Variants in HDAC2 observed in about 807,000 individuals in gnomAD.
HDAC2 encodes the protein YY1-associated factor 1.
A neutral mutation model predicts 68.5 loss-of-function variants in HDAC2; 5 were observed. The ratio of observed to expected loss-of-function variants is 0.07; its 90% CI spans 0.04 to 0.15. HDAC2 has a LOEUF of 0.15. Among genes scored for constraint, HDAC2 ranks in the 10% least tolerant of loss-of-function variants. The pLI is 1.00. For missense variants in HDAC2, 291 were observed against 600.8 expected (o/e 0.48, Z 5.39); for synonymous variants, 182 against 191.3 (o/e 0.95, Z 0.40).
At position 113,956,066 on chromosome 6, in the gene HDAC2, T is replaced by C. The variant is rs377639461; in HGVS notation, c.444A>G (p.Ala148=). ...TATCATTAACGTAACAGAATCCTGA[T>C]GCTTCTGATTTCTTAGCATGATGTA... ...GGLHHAKKSE[A]SGFCYVNDIV... The change falls in exon 5 of 14, where the codon GCA becomes GCG. Residue 148 remains alanine, a synonymous_variant. Coordinates refer to ENST00000519065, the MANE Select transcript of HDAC2 (RefSeq NM_001527.4). 21 of 1,612,400 alleles carry C rather than the reference T, an allele frequency of 1.3e-5. No homozygotes were observed. In the East Asian group the frequency reaches 2.2e-4, roughly 17 times the overall value.
intron 1 of HDAC2, among the ~76,000 whole-genome samples, chr6:113,963,734 C>A (rs1263421404): frequency 1.3e-5 from 2 of 152,180 alleles, no homozygotes; most frequent in Non-Finnish European, 2.9e-5. Context: ...TCAACCTGTA[C>A]ATAAAAATAC....
At chr6:113,967,374 C>T (rs556170721) in intron 1 of HDAC2, among the ~76,000 whole-genome samples, 1 of 152,320 alleles carries the variant, frequency 6.6e-6, no homozygotes, top group East Asian at 1.9e-4. Flanking sequence ...GGTGATTTGC[C>T]TGCCTCAGTC....
Position 113,943,379 on chromosome 6 carries a change from A to C in HDAC2, c.1350T>G (p.Asp450Glu), listed in dbSNP as rs769362495. ...TTTTTTTGTCCTCTGTTTCTTTCTT[A>C]TCTTCTTCAATTCTAGCTTTCTTTG... Reference protein sequence around the residue: ...KGAKKARIEEDKKETEDKKTD... With the variant: ...KGAKKARIEEEKKETEDKKTD... Residue 450 changes from aspartate (D) to glutamate (E), a missense_variant, in exon 12 of 14, where the codon GAT (aspartate) becomes GAG (glutamate). Transcript: ENST00000519065. 4.4e-6 allele frequency: 7 copies of C among 1,608,944 alleles called. No homozygotes were observed. The highest frequency in any genetic ancestry group is 5.1e-6 in the Non-Finnish European group (6 of 1,178,594).
intron 6 of HDAC2, 70 bp from the exon 7 acceptor site, chr6:113,949,330 T>G: frequency 1.1e-6 from 1 of 941,230 alleles, no homozygotes; most frequent in Non-Finnish European, 1.7e-6. Context: ...GTTTACTACA[T>G]TTTGAAAAGA....
rs1220225862 is a variant in HDAC2, at chr6:113,934,347, T to C, written c.*6711A>G. On this transcript the variant is annotated 3_prime_UTR_variant, in exon 14 of 14. Transcript: ENST00000519065. ...GCATGTCAGCTGTTACCTAGTCAGT[T>C]TCATAGATTTAGTAAACTGAAGCAC... is the stretch of plus-strand genomic sequence containing the variant. 6.6e-6 allele frequency: 1 copy of C among 152,162 alleles called. No individual in the cohort carries two copies. The highest frequency in any genetic ancestry group is 2.4e-5 in the African/African-American group (1 of 41,434). 9.4% of individuals were successfully genotyped at this position (152,162 alleles called of 1,614,324 possible). A position where few individuals can be genotyped will look rare whatever the true frequency, so the allele number is the denominator to read the frequency against.
chr6:113,949,116 C>T, intron 7 of HDAC2, 29 bp from the exon 8 acceptor site: 1 of 1,603,246 alleles, frequency 6.2e-7, no homozygotes, highest in Non-Finnish European at 8.5e-7. Flanking sequence ...ATGTTAGCAT[C>T]TCCAATAACA....
intron 6 of HDAC2, 65 bp from the exon 7 acceptor site, chr6:113,949,325 C>A (rs1776343758): frequency 9.8e-7 from 1 of 1,017,848 alleles, no homozygotes; most frequent in Non-Finnish European, 1.5e-6. Context: ...CATTTGTTTA[C>A]TACATTTTGA....
chr6:113,971,063 G>A lies in HDAC2; in HGVS notation c.-155C>T, dbSNP rs766938760. ...GCAGGCCGGTGGGAGGAGAGGAGGG[G>A]GCGCCGGGAAGGCTCGGTACCACCC... On this transcript the variant is annotated 5_prime_UTR_variant, in exon 1 of 14. Coordinates refer to ENST00000519065, the MANE Select transcript of HDAC2 (RefSeq NM_001527.4). 1.2e-5 allele frequency: 18 copies of A among 1,558,864 alleles called. No individual in the cohort carries two copies. Among genetic ancestry groups the A allele is most frequent in the Non-Finnish European group, 1.6e-5 (18 of 1,150,584 alleles).
intron 13 of HDAC2, 84 bp from the exon 14 acceptor site, chr6:113,941,172 T>C: frequency 2.1e-6 from 2 of 959,904 alleles, no homozygotes; most frequent in South Asian, 1.5e-5. Context: ...TCAGGTCCTG[T>C]AGGCTCATGC....
In HDAC2 at chr6:113,940,999, C is replaced by A; in HGVS notation, c.*59G>T. The A allele has an allele frequency of 7.4e-7, 1 of 1,351,254 alleles. No homozygotes were observed. The highest frequency in any genetic ancestry group is 1.2e-5 in the South Asian group (1 of 82,060). The allele number at this position is 1,351,254 out of a possible 1,614,324, so 83.7% of individuals were successfully genotyped here. ...AAGCCAGAAGTCTTCAAAAAGAAAA[C>A]ATTTTCCTTTCAATATTTTCTTTTT... On this transcript the variant is annotated 3_prime_UTR_variant, in exon 14 of 14. Coordinates refer to ENST00000519065, the MANE Select transcript of HDAC2 (RefSeq NM_001527.4).
chr6:113,945,553 T>C, intron 9 of HDAC2, 83 bp from the exon 10 acceptor site: 1 of 750,630 alleles, frequency 1.3e-6, no homozygotes, highest in Non-Finnish European at 2.4e-6. Context: ...ATTTAGGTGG[T>C]GAAATATTTC....
chr6:113,962,075 C>T (rs1776695765), intron 1 of HDAC2, among the ~76,000 whole-genome samples: 1 of 149,092 alleles, frequency 6.7e-6, no homozygotes, highest in Non-Finnish European at 1.5e-5. Context: ...AATTTCTGAG[C>T]AAGTGTGTTT....
At position 113,949,215 on chromosome 6, in the gene HDAC2, T is replaced by C. The variant is rs1198502068; in HGVS notation, c.685A>G (p.Met229Val). ...GACTCATCATCTATACCATCTCTCATTGGAAAATTGACAGCATAGTATTTG... is the reference window on the plus strand; with the variant it reads ...GACTCATCATCTATACCATCTCTCACTGGAAAATTGACAGCATAGTATTTG... ...KGKYYAVNFP[M>V]RDGIDDESYG... is the part of the protein sequence containing the mutation. Residue 229 changes from methionine to valine, a missense_variant, in exon 7 of 14, where the codon ATG becomes GTG. Met to Val is a conservative substitution (Grantham distance 21, BLOSUM62 1). Transcript: ENST00000519065. 1 of 1,608,638 alleles carries C rather than the reference T, an allele frequency of 6.2e-7. No individual in the cohort carries two copies. The highest frequency in any genetic ancestry group is 1.3e-5 in the African/African-American group (1 of 74,810).
In HDAC2 at chr6:113,934,949, C is replaced by G. The variant is rs1775970380; in HGVS notation, c.*6109G>C. On this transcript the variant is annotated 3_prime_UTR_variant, in exon 14 of 14. Coordinates refer to ENST00000519065, the MANE Select transcript of HDAC2 (RefSeq NM_001527.4). ...GGTATCTAGAGTAAATTTTTCGCAC[C>G]TACTTGCCCAAACTTTCTTATCAGA... The G allele has an allele frequency of 1.3e-5, 2 of 152,098 alleles. No homozygotes were observed. The highest frequency in any genetic ancestry group is 1.3e-4 in the Admixed American group (2 of 15,274). The allele number at this position is 152,098 out of a possible 1,614,324, so 9.4% of individuals were successfully genotyped here. A position where few individuals can be genotyped will look rare whatever the true frequency, so the allele number is the denominator to read the frequency against.
chr6:113,968,834 A>G (rs1218690524), intron 1 of HDAC2: 1 of 152,216 alleles, frequency 6.6e-6, no homozygotes, highest in Non-Finnish European at 1.5e-5. Flanking sequence ...GCCCAGGACA[A>G]GAGCGCTGTT....
At chr6:113,945,573 T>C (rs557055738) in intron 9 of HDAC2, 103 bp from the exon 10 acceptor site, 6 of 712,114 alleles carry the variant, frequency 8.4e-6, no homozygotes, top group Admixed American at 7.1e-5. Flanking sequence ...CCTAAGAAAA[T>C]GTTTAAAAGT....
chr6:113,938,773 ATGGG>A lies in HDAC2; in HGVS notation c.*2281_*2284del, dbSNP rs1010940545. The A allele has an allele frequency of 6.9e-4, 105 of 152,296 alleles. 1 individual carries two copies. Among genetic ancestry groups the A allele is most frequent in the African/African-American group, 2.5e-3 (103 of 41,560 alleles). 9.4% of individuals were successfully genotyped at this position (152,296 alleles called of 1,614,324 possible). A position where few individuals can be genotyped will look rare whatever the true frequency, so the allele number is the denominator to read the frequency against. On this transcript the variant is annotated 3_prime_UTR_variant, in exon 14 of 14. Transcript: ENST00000519065. ...ATTTCTAAAAATTTTGTTATTACAA[ATGGG>A]GGTCTTTGTTCTTCCAACAGACTTG...
chr6:113,961,511 A>G (rs1428636362), intron 1 of HDAC2, among the ~76,000 whole-genome samples: 2 of 152,196 alleles, frequency 1.3e-5, no homozygotes, highest in Non-Finnish European at 2.9e-5. Context: ...GAAACAATAT[A>G]GAGTTTAGCA....
Position 113,936,775 on chromosome 6 carries a change from T to G in HDAC2, c.*4283A>C, listed in dbSNP as rs1461579089. 1 of 152,410 alleles carries G rather than the reference T, an allele frequency of 6.6e-6. No homozygotes were observed. Among genetic ancestry groups the G allele is most frequent in the Non-Finnish European group, 1.5e-5 (1 of 68,276 alleles). 9.4% of individuals were successfully genotyped at this position (152,410 alleles called of 1,614,324 possible). ...GGGAGGCCCAGGCGGGTGGATCATT[T>G]GAGGTAAGGAGTTCAAGACCAGCCT... On this transcript the variant is annotated 3_prime_UTR_variant, in exon 14 of 14. Coordinates refer to ENST00000519065, the MANE Select transcript of HDAC2 (RefSeq NM_001527.4).
Sources: gnomAD v4.1 joint callset for allele counts (sites outside exome capture counted in the v4.1 genomes callset) on GRCh38, gnomAD v4.1.1 for gene constraint, MANE v1.5 for transcripts, NCBI Gene and HGNC (gene_info 2026-07-23, HGNC 2026-07-21) for gene names.